The following CDH13 variants were observed in gnomAD, a reference collection of about 807,000 sequenced individuals.
CDH13 encodes cadherin 13, also known as cadherin-13.
CDH13 carries 24 observed loss-of-function variants against 63.8 expected under a neutral mutation model. The observed-to-expected ratio is 0.38, with a 90% confidence interval of 0.27 to 0.53. The LOEUF is 0.53. Ranked by LOEUF, CDH13 falls within the 20% of genes least tolerant of loss-of-function variation. The probability of loss-of-function intolerance (pLI) is 0.85; values close to 1 mark genes in which losing one functional copy is unlikely to be tolerated. For synonymous variants in CDH13, 503 were observed against 355.3 expected, an observed-to-expected ratio of 1.42 and a Z score of -4.67; for missense variants, 1,049 against 903.1, an observed-to-expected ratio of 1.16 and a Z score of -2.07.
intron 4 of CDH13, among the ~76,000 whole-genome samples, chr16:83,126,273 G>A (rs921202238): frequency 6.6e-6 from 1 of 152,098 alleles, no homozygotes; most frequent in South Asian, 2.1e-4. Flanking sequence ...AGAGGGAAGG[G>A]GTTTTTATCC....
At chr16:82,755,123 T>C (rs954624083) in intron 1 of CDH13, among the ~76,000 whole-genome samples, 2 of 152,222 alleles carry the variant, frequency 1.3e-5, no homozygotes, top group Admixed American at 6.5e-5. Flanking sequence ...ATAAAATATA[T>C]GCAGTGTTCT....
At chr16:83,241,351 G>T (rs1904427700) in intron 5 of CDH13, among the ~76,000 whole-genome samples, 1 of 152,150 alleles carries the variant, frequency 6.6e-6, no homozygotes, top group Non-Finnish European at 1.5e-5. Context: ...ATGTAGCCAG[G>T]AGTGAGATTG....
chr16:83,689,257 A>G (rs187155153), intron 10 of CDH13, among the ~76,000 whole-genome samples: 23 of 152,292 alleles, frequency 1.5e-4, no homozygotes, highest in Non-Finnish European at 2.8e-4. Context: ...TCCTTGACCA[A>G]TATTTTCTAA....
At chr16:82,744,603 G>C (rs940871069) in intron 1 of CDH13, among the ~76,000 whole-genome samples, 1 of 152,054 alleles carries the variant, frequency 6.6e-6, no homozygotes, top group Non-Finnish European at 1.5e-5. Context: ...ATAGCTCCAA[G>C]AAGGAGCTAT....
chr16:83,344,897 T>C lies in CDH13; in HGVS notation c.672T>C (p.Thr224=). 3 of 1,613,958 alleles carry C rather than the reference T, an allele frequency of 1.9e-6. No homozygotes were observed. The highest frequency in any genetic ancestry group is 2.5e-6 in the Non-Finnish European group (3 of 1,179,832). ...FVETTDVNGK[T]LEGPVPLEVI... is the part of the protein sequence containing the mutation. ...AGACCACTGATGTCAATGGCAAAAC[T>C]CTCGAGGGGCCGGTGCCTCTGGAAG... The change falls in exon 6 of 14, where the codon ACT becomes ACC. Residue 224 remains threonine, a synonymous_variant. Coordinates refer to ENST00000567109, the MANE Select transcript of CDH13 (RefSeq NM_001257.5).
chr16:83,457,422 T>G (rs1002642442), intron 6 of CDH13, among the ~76,000 whole-genome samples: 1 of 152,126 alleles, frequency 6.6e-6, no homozygotes, highest in African/African-American at 2.4e-5. Context: ...TTGCCATCAC[T>G]CATTACATAG....
chr16:83,569,912 T>A (rs1459464129), intron 7 of CDH13, among the ~76,000 whole-genome samples: 1 of 152,126 alleles, frequency 6.6e-6, no homozygotes, highest in Non-Finnish European at 1.5e-5. Flanking sequence ...AATTTTTGTA[T>A]TTTTAATAGA....
At position 83,345,081 on chromosome 16, in the gene CDH13, C is replaced by T. The variant is rs536769266; in HGVS notation, c.781+75C>T. ...CTTTGATCTTTGTGGATTCTAGGGACTGTCTTATGGCTGTTCCAACTTGTC... is the reference window on the plus strand; with the variant it reads ...CTTTGATCTTTGTGGATTCTAGGGATTGTCTTATGGCTGTTCCAACTTGTC... On this transcript the variant is annotated intron_variant, in intron 6 of 13. Coordinates refer to ENST00000567109, the MANE Select transcript of CDH13 (RefSeq NM_001257.5). 5.2e-5 allele frequency: 80 copies of T among 1,527,638 alleles called. No individual in the cohort carries two copies. The South Asian group carries it at 9.1e-4, about 17-fold the overall frequency. 94.6% of individuals were successfully genotyped at this position (1,527,638 alleles called of 1,614,324 possible).
chr16:83,589,408 T>C (rs1407789899), intron 7 of CDH13, among the ~76,000 whole-genome samples: 1 of 143,760 alleles, frequency 7.0e-6, no homozygotes, highest in East Asian at 2.3e-4. Context: ...CCATCACCCA[T>C]CTACTCCCGC....
intron 3 of CDH13, among the ~76,000 whole-genome samples, chr16:83,095,420 C>T (rs1184491267): frequency 6.6e-6 from 1 of 152,200 alleles, no homozygotes; most frequent in Non-Finnish European, 1.5e-5. Flanking sequence ...TTGTAAACAT[C>T]ATCAGTGATA....
At chr16:82,940,219 A>G (rs756434800) in intron 2 of CDH13, among the ~76,000 whole-genome samples, 4 of 152,186 alleles carry the variant, frequency 2.6e-5, no homozygotes, top group Admixed American at 6.5e-5. Context: ...AGCCTGAAAT[A>G]TGGAGAGGAA....
intron 1 of CDH13, chr16:82,826,773 G>A (rs1469341104): frequency 1.3e-5 from 2 of 152,178 alleles, no homozygotes; most frequent in Non-Finnish European, 2.9e-5. Context: ...CAGTTTGGCA[G>A]GTTCCTCAGA....
chr16:82,650,533 T>A (rs1310963607), intron 1 of CDH13, among the ~76,000 whole-genome samples: 1 of 152,216 alleles, frequency 6.6e-6, no homozygotes, highest in Non-Finnish European at 1.5e-5. Flanking sequence ...GCTTTCTGAG[T>A]GCAACCCCTA....
rs751441653 is a variant in CDH13, at chr16:83,344,949, C to A, written c.724C>A (p.Arg242=). The part of the protein sequence containing the change: ...EVIVIDQNDN[R]PIFREGPYIG... ...CATTGTGATTGATCAGAATGACAAC[C>A]GACCGATCTTTCGGGAAGGCCCCTA... Residue 242 remains arginine (R), a synonymous_variant, in exon 6 of 14, where the codon CGA becomes AGA. Transcript: ENST00000567109. 1 of 1,613,862 alleles carries A rather than the reference C, an allele frequency of 6.2e-7. No homozygotes were observed. The highest frequency in any genetic ancestry group is 8.5e-7 in the Non-Finnish European group (1 of 1,179,864).
Position 83,333,487 on chromosome 16 carries a change from T to A in CDH13, c.637-11375T>A, listed in dbSNP as rs549292649. Among the ~76,000 whole-genome samples the A allele has an allele frequency of 3.9e-5, 6 of 152,204 alleles. No homozygotes were observed. The East Asian group carries it at 1.2e-3, about 30-fold the overall frequency. On this transcript the variant is annotated intron_variant, in intron 5 of 13. Transcript: ENST00000567109. ...GGGAGACTGTCAGGGTGCTGCTCTTTGGACTACCTTTGAAATCTTGACCTG... is the reference window on the plus strand; with the variant it reads ...GGGAGACTGTCAGGGTGCTGCTCTTAGGACTACCTTTGAAATCTTGACCTG...
At chr16:82,926,944 A>T (rs2042322678) in intron 2 of CDH13, among the ~76,000 whole-genome samples, 1 of 152,168 alleles carries the variant, frequency 6.6e-6, no homozygotes, top group South Asian at 2.1e-4. Flanking sequence ...TTACTCACAA[A>T]TGTGTCATTT....
intron 7 of CDH13, among the ~76,000 whole-genome samples, chr16:83,516,266 TG>T (rs1464350747): frequency 6.6e-6 from 1 of 152,210 alleles, no homozygotes; most frequent in Non-Finnish European, 1.5e-5. Flanking sequence ...TGGAACCGTT[TG>T]GGGAGTGTGG....
At chr16:83,559,576 A>AGAG (rs2075664642) in intron 7 of CDH13, among the ~76,000 whole-genome samples, 4 of 94,206 alleles carry the variant, frequency 4.2e-5, no homozygotes, top group African/African-American at 2.5e-4. Flanking sequence ...TATAAAAAGA[A>AGAG]AGAGAGAGAG....
intron 7 of CDH13, among the ~76,000 whole-genome samples, chr16:83,523,266 A>G (rs2074882114): frequency 6.6e-6 from 1 of 152,218 alleles, no homozygotes. Context: ...CATGTCCATA[A>G]TAGGTGCTCA....
Sources: allele counts gnomAD v4.1 joint callset (sites outside exome capture counted in the v4.1 genomes callset), GRCh38; gene constraint gnomAD v4.1.1; transcripts MANE v1.5; gene names NCBI Gene and HGNC (gene_info 2026-07-23, HGNC 2026-07-21).